DYNLT2: variants seen among roughly 807,000 people sequenced by gnomAD.
DYNLT2 encodes dynein light chain Tctex-type 2, also known as dynein light chain Tctex-type protein 2.
DYNLT2 carries 24 observed loss-of-function variants against 24.3 expected under a neutral mutation model. The ratio of observed to expected loss-of-function variants is 0.99; its 90% CI spans 0.71 to 1.39. The LOEUF (loss-of-function observed/expected upper bound fraction) is 1.39. DYNLT2 is among the 40% of genes most tolerant of loss of function. The pLI is 0.00. For missense variants in DYNLT2, 246 were observed against 234.5 expected (o/e 1.05, Z -0.32); for synonymous variants, 85 against 85.4 (o/e 1.00, Z 0.03).
chr6:169,733,579 G>A, the DYNLT2 span, among the ~76,000 whole-genome samples: 3 of 152,080 alleles, frequency 2.0e-5, no homozygotes, highest in African/African-American at 4.8e-5. Flanking sequence ...CAGGTTTGTC[G>A]AAGGTCAGAT....
At chr6:169,731,591 A>G in the DYNLT2 span, among the ~76,000 whole-genome samples, 1 of 152,186 alleles carries the variant, frequency 6.6e-6, no homozygotes, top group Non-Finnish European at 1.5e-5. Flanking sequence ...TCACCACAAT[A>G]CAATCTGCAT....
At position 169,744,293 on chromosome 6, in the gene DYNLT2, G is replaced by T. The variant is rs1328190723; in HGVS notation, c.121-19C>A. On this transcript the variant is annotated intron_variant, in intron 1 of 3. Coordinates refer to ENST00000366774, the MANE Select transcript of DYNLT2 (RefSeq NM_174910.3). ...GTGTATACTGGAGGAGAAAGAGAGA[G>T]GGGAAGAGAGAAAGGCAGAAAGATT... The T allele has an allele frequency of 1.9e-6, 3 of 1,600,558 alleles. No homozygotes were observed. Among genetic ancestry groups the T allele is most frequent in the Non-Finnish European group, 2.6e-6 (3 of 1,170,126 alleles).
chr6:169,737,646 C>T (rs911748889), downstream of DYNLT2, among the ~76,000 whole-genome samples: 5 of 152,148 alleles, frequency 3.3e-5, no homozygotes, highest in East Asian at 9.6e-4. Context: ...GGAGATGTCA[C>T]TCAAGGAAGC....
At position 169,743,080 on chromosome 6, in the gene DYNLT2, A is replaced by T; in HGVS notation, c.486T>A (p.Asn162Lys). ...GATCCTGTATCAATGGGGTACTTACATTTATTGCTTGGCCAGTCTTTTGAA... is the reference window on the plus strand; with the variant it reads ...GATCCTGTATCAATGGGGTACTTACTTTTATTGCTTGGCCAGTCTTTTGAA... ...LFIQKTGQAINIASRWIWDIA... is the reference protein window; with the variant it reads ...LFIQKTGQAIKIASRWIWDIA... The change falls in exon 3 of 4, where the codon AAT (asparagine) becomes AAA (lysine). Residue 162 changes from asparagine (N) to lysine (K), a missense_variant and splice_region_variant. Physicochemically the swap from Asn to Lys is moderately conservative, Grantham distance 94. Transcript: ENST00000366774. 1 of 1,545,008 alleles carries T rather than the reference A, an allele frequency of 6.5e-7. No homozygotes were observed. The highest frequency in any genetic ancestry group is 8.8e-7 in the Non-Finnish European group (1 of 1,137,740).
intron 1 of DYNLT2, among the ~76,000 whole-genome samples, chr6:169,746,539 A>G (rs1430764681): frequency 3.3e-5 from 5 of 152,124 alleles, no homozygotes; most frequent in African/African-American, 1.2e-4. Context: ...CTATGCTTAC[A>G]TTGCTCATCC....
the DYNLT2 span, chr6:169,725,414 C>G: frequency 2.5e-6 from 1 of 397,776 alleles, no homozygotes; most frequent in Non-Finnish European, 4.4e-6. Flanking sequence ...CAGCCTGACT[C>G]ACTTGCCTCA....
rs1585318204 is a variant in DYNLT2, at chr6:169,742,972, C to T, written c.486+108G>A. The T allele has an allele frequency of 1.5e-5, 13 of 859,716 alleles. No individual in the cohort carries two copies. In the East Asian group the frequency reaches 3.7e-4, roughly 25 times the overall value. The allele number at this position is 859,716 out of a possible 1,614,324, so 53.3% of individuals were successfully genotyped here. On this transcript the variant is annotated intron_variant, in intron 3 of 3. Coordinates refer to ENST00000366774, the MANE Select transcript of DYNLT2 (RefSeq NM_174910.3). ...CATGATACTTTCCTTCAAAAAGTAC[C>T]TCAGAATCTATGGCATGCCCTTGAG...
At chr6:169,730,037 T>G in the DYNLT2 span, among the ~76,000 whole-genome samples, 1 of 152,264 alleles carries the variant, frequency 6.6e-6, no homozygotes, top group Non-Finnish European at 1.5e-5. Context: ...TTCTTCTTTA[T>G]GCAATTCCTC....
the DYNLT2 span, among the ~76,000 whole-genome samples, chr6:169,728,044 GA>G: frequency 6.6e-6 from 1 of 152,190 alleles, no homozygotes; most frequent in African/African-American, 2.4e-5. Context: ...TTATGGTCAT[GA>G]ATTTAAAGTG....
Position 169,751,479 on chromosome 6 carries a change from G to A in DYNLT2, c.-21C>T. ...TCCATCTCGCTCTGTTCTCCAAGAC[G>A]CCCACCGCCTCCCCTTCACCGCCGG... On this transcript the variant is annotated 5_prime_UTR_variant, in exon 1 of 4. Transcript: ENST00000366774. 1 of 1,612,214 alleles carries A rather than the reference G, an allele frequency of 6.2e-7. No homozygotes were observed. The highest frequency in any genetic ancestry group is 8.5e-7 in the Non-Finnish European group (1 of 1,179,094).
At chr6:169,736,736 GC>G (rs1472038723), downstream of DYNLT2, among the ~76,000 whole-genome samples, 9 of 152,172 alleles carry the variant, frequency 5.9e-5, no homozygotes, top group African/African-American at 2.2e-4. Context: ...CTCTCTGGCT[GC>G]CCTTAACAGG....
downstream of DYNLT2, among the ~76,000 whole-genome samples, chr6:169,737,745 G>A (rs935578550): frequency 5.9e-5 from 9 of 152,136 alleles, no homozygotes; most frequent in Non-Finnish European, 1.0e-4. Context: ...GATCACTCCT[G>A]TATAGGGTAT....
At chr6:169,726,276 C>G in the DYNLT2 span, among the ~76,000 whole-genome samples, 50 of 152,012 alleles carry the variant, frequency 3.3e-4, no homozygotes, top group African/African-American at 1.2e-3. Context: ...TATAATTGTA[C>G]TTTAAGGCAG....
the DYNLT2 span, among the ~76,000 whole-genome samples, chr6:169,733,611 T>C: frequency 6.6e-6 from 1 of 152,248 alleles, no homozygotes; most frequent in African/African-American, 2.4e-5. Context: ...TGTGGTGTTA[T>C]TTCTGAGGTC....
downstream of DYNLT2, chr6:169,740,068 G>A (rs1325300813): frequency 3.2e-6 from 2 of 634,528 alleles, no homozygotes; most frequent in Non-Finnish European, 5.4e-6. Flanking sequence ...CAATTGAAAG[G>A]CCTCAAATGA....
At chr6:169,744,297 A>G (rs765611727) in intron 1 of DYNLT2, 23 bp from the exon 2 acceptor site, 4 of 1,592,748 alleles carry the variant, frequency 2.5e-6, no homozygotes, top group African/African-American at 1.3e-5. Context: ...GAGAGAGGGG[A>G]AGAGAGAAAG....
chr6:169,744,141 T>C lies in DYNLT2; in HGVS notation c.254A>G (p.Asn85Ser). ...KSALAKLKFANSYRMEPLKKF... is the reference protein window; with the variant it reads ...KSALAKLKFASSYRMEPLKKF... ...CTTCAATGGCTCCATTCTATATGAA[T>C]TAGCAAACTTTAATTTTGCCAGGGC... The change falls in exon 2 of 4, where the codon AAT (asparagine) becomes AGT (serine). Residue 85 changes from asparagine (N) to serine (S), a missense_variant. Asn to Ser is a conservative substitution (Grantham distance 46, BLOSUM62 1). Transcript: ENST00000366774. 6.2e-7 allele frequency: 1 copy of C among 1,613,436 alleles called. No homozygotes were observed. Among genetic ancestry groups the C allele is most frequent in the African/African-American group, 1.3e-5 (1 of 75,058 alleles).
chr6:169,735,415 G>C (rs1789541535), downstream of DYNLT2, among the ~76,000 whole-genome samples: 1 of 152,218 alleles, frequency 6.6e-6, no homozygotes, highest in South Asian at 2.1e-4. Flanking sequence ...TTCTGATGCA[G>C]GCATTTAGTG....
At chr6:169,740,834 G>A (rs911249956) in intron 3 of DYNLT2, among the ~76,000 whole-genome samples, 6 of 146,094 alleles carry the variant, frequency 4.1e-5, no homozygotes, top group Non-Finnish European at 8.9e-5. Context: ...TTGAGACATA[G>A]TTTCACTCTT....
Sources: allele counts gnomAD v4.1 joint callset (sites outside exome capture counted in the v4.1 genomes callset), GRCh38; gene constraint gnomAD v4.1.1; transcripts MANE v1.5; gene names NCBI Gene and HGNC (gene_info 2026-07-23, HGNC 2026-07-21).